Variants in IGF2BP3 observed in about 807,000 individuals in gnomAD.
IGF2BP3 encodes the protein insulin like growth factor 2 mRNA binding protein 3, also known as insulin-like growth factor 2 mRNA-binding protein 3.
Under a neutral mutation model 73.8 loss-of-function variants are expected in IGF2BP3, and 9 were observed. The observed-to-expected ratio is 0.12, with a 90% CI of 0.07 to 0.21. IGF2BP3 has a LOEUF of 0.21. Among genes scored for constraint, IGF2BP3 ranks in the 10% least tolerant of loss-of-function variants. The pLI, the probability that IGF2BP3 is intolerant of heterozygous loss-of-function variation, is 1.00. For missense variants in IGF2BP3, 542 were observed against 714.0 expected, an observed-to-expected ratio of 0.76 and a Z score of 2.75; for synonymous variants, 258 against 256.7, an observed-to-expected ratio of 1.01 and a Z score of -0.05.
At position 23,342,155 on chromosome 7, in the gene IGF2BP3, T is replaced by C. The variant is rs1262863560; in HGVS notation, c.1112A>G (p.Asn371Ser). ...QAHLIPGLNL[N>S]ALGLFPPTSG... ...AGTGGGTGGGAACAGACCCAAGGCG[T>C]TCAGATTTAATCCAGGAATTAAATG... Residue 371 changes from asparagine (N) to serine (S), a missense_variant, in exon 10 of 15, where the codon AAC becomes AGC. Coordinates refer to ENST00000258729, the MANE Select transcript of IGF2BP3 (RefSeq NM_006547.3). The C allele has an allele frequency of 6.2e-7, 1 of 1,613,710 alleles. No homozygotes were observed. The highest frequency in any genetic ancestry group is 8.5e-7 in the Non-Finnish European group (1 of 1,179,878).
intron 10 of IGF2BP3, among the ~76,000 whole-genome samples, chr7:23,325,057 G>A (rs1056601862): frequency 8.6e-5 from 13 of 151,854 alleles, no homozygotes; most frequent in African/African-American, 7.3e-5. Context: ...ACATAGTGTT[G>A]GAAGTTCTGG....
chr7:23,336,617 G>C (rs1056400111), intron 10 of IGF2BP3, among the ~76,000 whole-genome samples: 64 of 151,930 alleles, frequency 4.2e-4, no homozygotes, highest in African/African-American at 1.4e-3. Context: ...CGCAACGCCT[G>C]GTTGTTATCA....
chr7:23,470,009 C>A lies in IGF2BP3; in HGVS notation c.102G>T (p.Leu34=). The change falls in exon 1 of 15, where the codon CTG becomes CTT. Residue 34 remains leucine (L), a synonymous_variant. Coordinates refer to ENST00000258729, the MANE Select transcript of IGF2BP3 (RefSeq NM_006547.3). ...CCACGAACGCGTAGCCAGTCTTCAC[C>A]AGGAAGGGTCCCGACACCGGGATCT... ...DAKIPVSGPF[L]VKTGYAFVDC... 6.2e-7 allele frequency: 1 copy of A among 1,612,880 alleles called. No individual in the cohort carries two copies. The highest frequency in any genetic ancestry group is 8.5e-7 in the Non-Finnish European group (1 of 1,179,732).
chr7:23,372,925 T>C (rs1785603501), intron 3 of IGF2BP3, among the ~76,000 whole-genome samples: 1 of 152,228 alleles, frequency 6.6e-6, no homozygotes, highest in Admixed American at 6.5e-5. Context: ...GTGTCAGAAC[T>C]TGGACAGATA....
chr7:23,343,947 G>A (rs1445604196), intron 8 of IGF2BP3, 94 bp from the exon 9 acceptor site: 1 of 1,267,458 alleles, frequency 7.9e-7, no homozygotes, highest in Non-Finnish European at 1.1e-6. Flanking sequence ...AACAAACTGT[G>A]GAGCCTGGTA....
At position 23,368,764 on chromosome 7, in the gene IGF2BP3, G is replaced by A. The variant is rs182808729; in HGVS notation, c.286-7023C>T. ...AATACAAAATTAGCCGGGCGTGGTC[G>A]CGCTTGCCTGTAATCCCAGCTACTC... On this transcript the variant is annotated intron_variant, in intron 3 of 14. Coordinates refer to ENST00000258729, the MANE Select transcript of IGF2BP3 (RefSeq NM_006547.3). Among the ~76,000 whole-genome samples the A allele has an allele frequency of 3.6e-3, 549 of 152,124 alleles. 1 individual carries two copies. Among genetic ancestry groups the A allele is most frequent in the Middle Eastern group, 0.027 (8 of 294 alleles).
chr7:23,356,244 A>C (rs1040203098), intron 5 of IGF2BP3, among the ~76,000 whole-genome samples: 1 of 152,176 alleles, frequency 6.6e-6, no homozygotes, highest in Non-Finnish European at 1.5e-5. Context: ...GATTAGATTC[A>C]TGGTCCCTTT....
intron 3 of IGF2BP3, among the ~76,000 whole-genome samples, chr7:23,418,256 G>C (rs1480014558): frequency 1.3e-5 from 2 of 152,148 alleles, no homozygotes; most frequent in African/African-American, 4.8e-5. Context: ...TGGTGTCTCA[G>C]ATTCTCACCA....
intron 3 of IGF2BP3, chr7:23,402,762 T>C (rs1187113745): frequency 2.0e-5 from 3 of 152,230 alleles, no homozygotes; most frequent in Non-Finnish European, 4.4e-5. Context: ...TTCATTGTAA[T>C]AATTTATTTT....
chr7:23,397,867 ATAAG>A (rs1786526963), intron 3 of IGF2BP3, among the ~76,000 whole-genome samples: 1 of 152,336 alleles, frequency 6.6e-6, no homozygotes, highest in Non-Finnish European at 1.5e-5. Context: ...CTTTGAGGGT[ATAAG>A]TAAGTATCTT....
At chr7:23,432,472 G>A (rs1407298393) in intron 2 of IGF2BP3, among the ~76,000 whole-genome samples, 1 of 152,006 alleles carries the variant, frequency 6.6e-6, no homozygotes, top group Non-Finnish European at 1.5e-5. Flanking sequence ...ACTTCTTAAT[G>A]TGACTACTAG....
intron 3 of IGF2BP3, chr7:23,415,164 C>T (rs1787148066): frequency 4.3e-6 from 1 of 232,316 alleles, no homozygotes; most frequent in Non-Finnish European, 8.6e-6. Context: ...TTCACCACAT[C>T]AGCAGGTCCC....
chr7:23,362,007 G>T (rs1441625892), intron 3 of IGF2BP3, among the ~76,000 whole-genome samples: 1 of 152,182 alleles, frequency 6.6e-6, no homozygotes, highest in Non-Finnish European at 1.5e-5. Flanking sequence ...AGCCACAGCC[G>T]CCTGGTTCCT....
chr7:23,392,387 G>C (rs1786304469), intron 3 of IGF2BP3, among the ~76,000 whole-genome samples: 1 of 115,768 alleles, frequency 8.6e-6, no homozygotes, highest in Admixed American at 9.3e-5. Context: ...GTCACAAATG[G>C]AAAACCATTT....
intron 3 of IGF2BP3, among the ~76,000 whole-genome samples, chr7:23,372,821 T>C (rs1190575377): frequency 1.3e-5 from 2 of 152,204 alleles, no homozygotes; most frequent in African/African-American, 2.4e-5. Flanking sequence ...TTGTCCCAAA[T>C]GCTTTATCTA....
intron 3 of IGF2BP3, among the ~76,000 whole-genome samples, chr7:23,367,461 G>GA (rs1322112828): frequency 8.7e-5 from 11 of 127,130 alleles, no homozygotes; most frequent in East Asian, 4.0e-4. Flanking sequence ...AAAAAACCAC[G>GA]AAAAAAAACA....
rs550733069 is a variant in IGF2BP3 at position 23,453,232 on chromosome 7, C to A, written c.236+15250G>T. On this transcript the variant is annotated intron_variant, in intron 2 of 14. Coordinates refer to ENST00000258729, the MANE Select transcript of IGF2BP3 (RefSeq NM_006547.3). ...TACAAGTATGAGCCAAGCACCTTGG[C>A]CTTAAAGCACTTTTAAACAAGAAGA... 2.6e-5 allele frequency among the ~76,000 whole-genome samples: 4 copies of A among 152,310 alleles called. No homozygotes were observed. The East Asian group carries it at 7.7e-4, about 29-fold the overall frequency.
chr7:23,325,338 T>C (rs904378243), intron 10 of IGF2BP3, among the ~76,000 whole-genome samples: 1 of 152,070 alleles, frequency 6.6e-6, no homozygotes, highest in Non-Finnish European at 1.5e-5. Flanking sequence ...TCAAAGAGAA[T>C]AAAATACCTA....
intron 3 of IGF2BP3, among the ~76,000 whole-genome samples, chr7:23,368,159 G>T (rs765249314): frequency 2.0e-5 from 3 of 152,076 alleles, no homozygotes; most frequent in Non-Finnish European, 2.9e-5. Flanking sequence ...CCGAATGAAT[G>T]CTTACTGACT....
Sources: allele counts gnomAD v4.1 joint callset (sites outside exome capture counted in the v4.1 genomes callset), GRCh38; gene constraint gnomAD v4.1.1; transcripts MANE v1.5; gene names NCBI Gene and HGNC (gene_info 2026-07-23, HGNC 2026-07-21).